CYP19A1: variants seen among roughly 807,000 people sequenced by gnomAD.
The protein encoded by CYP19A1 is cytochrome P450 family 19 subfamily A member 1, also known as aromatase.
CYP19A1 carries 32 observed loss-of-function variants against 44.4 expected under a neutral mutation model. The observed-to-expected ratio is 0.72, with a 90% CI of 0.54 to 0.97. The LOEUF is 0.97. CYP19A1 is among the 50% of genes least tolerant of loss of function. CYP19A1 has a pLI of 0.00. For missense variants in CYP19A1, 598 were observed against 637.8 expected, an observed-to-expected ratio of 0.94 and a Z score of 0.67; for synonymous variants, 212 against 215.6, an observed-to-expected ratio of 0.98 and a Z score of 0.14.
At chr15:51,274,938 C>A (rs189542081) in intron 1 of CYP19A1, among the ~76,000 whole-genome samples, 74 of 152,294 alleles carry the variant, frequency 4.9e-4, no homozygotes, top group Admixed American at 4.3e-3. Context: ...TCTCTATTGT[C>A]ATCTCACCCC....
chr15:51,273,385 A>G (rs2035198074), intron 1 of CYP19A1, among the ~76,000 whole-genome samples: 1 of 152,234 alleles, frequency 6.6e-6, no homozygotes, highest in Admixed American at 6.5e-5. Context: ...TTTTTAATCC[A>G]GGGAAGCAGT....
At chr15:51,327,402 A>G (rs1198977484) in intron 1 of CYP19A1, among the ~76,000 whole-genome samples, 1 of 152,158 alleles carries the variant, frequency 6.6e-6, no homozygotes, top group Non-Finnish European at 1.5e-5. Flanking sequence ...CTGGGATTAA[A>G]TGAGTAGAGC....
chr15:51,226,110 A>T (rs2032551468), intron 4 of CYP19A1, among the ~76,000 whole-genome samples: 2 of 151,016 alleles, frequency 1.3e-5, no homozygotes, highest in Admixed American at 6.6e-5. Context: ...AAAAAAAAAA[A>T]AAAAAAGCAA....
chr15:51,265,245 C>A (rs1007152216), intron 1 of CYP19A1, among the ~76,000 whole-genome samples: 1 of 152,208 alleles, frequency 6.6e-6, no homozygotes, highest in Non-Finnish European at 1.5e-5. Flanking sequence ...GGTCAGACAG[C>A]GTTCCATGTC....
chr15:51,268,281 C>T (rs1485226105), intron 1 of CYP19A1, among the ~76,000 whole-genome samples: 1 of 152,192 alleles, frequency 6.6e-6, no homozygotes, highest in East Asian at 1.9e-4. Context: ...CCCTGATAAC[C>T]ACTGATTTGC....
At chr15:51,282,889 T>A (rs1178180666) in intron 1 of CYP19A1, among the ~76,000 whole-genome samples, 5 of 151,934 alleles carry the variant, frequency 3.3e-5, no homozygotes, top group African/African-American at 1.2e-4. Context: ...CTTAAGGCAT[T>A]TATTATGAAG....
At chr15:51,266,453 T>C (rs1230605825) in intron 1 of CYP19A1, among the ~76,000 whole-genome samples, 1 of 152,190 alleles carries the variant, frequency 6.6e-6, no homozygotes, top group East Asian at 1.9e-4. Flanking sequence ...GCCTCCCCTG[T>C]GGCAGGAAGA....
intron 5 of CYP19A1, among the ~76,000 whole-genome samples, chr15:51,220,971 AC>A (rs1376196052): frequency 7.0e-6 from 1 of 143,378 alleles, no homozygotes; most frequent in Non-Finnish European, 1.5e-5. Flanking sequence ...AGTTGCATGC[AC>A]ATGTTTTTTT....
intron 2 of CYP19A1, among the ~76,000 whole-genome samples, chr15:51,240,367 A>T (rs563202304): frequency 6.6e-6 from 1 of 152,326 alleles, no homozygotes; most frequent in East Asian, 1.9e-4. Context: ...ACTACAAAAC[A>T]GACACAAACA....
intron 1 of CYP19A1, among the ~76,000 whole-genome samples, chr15:51,316,571 A>C (rs2036429901): frequency 6.6e-6 from 1 of 151,964 alleles, no homozygotes; most frequent in Non-Finnish European, 1.5e-5. Context: ...AGTCTCCCCT[A>C]TCAATTTTAT....
intron 1 of CYP19A1, among the ~76,000 whole-genome samples, chr15:51,332,790 T>A (rs2036721667): frequency 6.6e-6 from 1 of 152,222 alleles, no homozygotes; most frequent in African/African-American, 2.4e-5. Flanking sequence ...TTGGCCTCAA[T>A]CATCCCTACT....
At chr15:51,327,076 T>C (rs1399897964) in intron 1 of CYP19A1, among the ~76,000 whole-genome samples, 1 of 152,210 alleles carries the variant, frequency 6.6e-6, no homozygotes, top group African/African-American at 2.4e-5. Flanking sequence ...AAGCAGCTCG[T>C]ATTTTTGGTT....
At chr15:51,220,654 A>G (rs1487424057) in intron 5 of CYP19A1, among the ~76,000 whole-genome samples, 1 of 152,236 alleles carries the variant, frequency 6.6e-6, no homozygotes, top group Non-Finnish European at 1.5e-5. Flanking sequence ...ATATTTTGAT[A>G]AATTTGTATA....
At chr15:51,247,294 G>T (rs1287758449) in intron 1 of CYP19A1, among the ~76,000 whole-genome samples, 2 of 151,926 alleles carry the variant, frequency 1.3e-5, no homozygotes, top group South Asian at 4.2e-4. Context: ...TTCTGTGAAG[G>T]CACCTCCCCC....
chr15:51,290,415 T>C (rs2035815589), intron 1 of CYP19A1, among the ~76,000 whole-genome samples: 2 of 152,202 alleles, frequency 1.3e-5, no homozygotes, highest in South Asian at 4.1e-4. Flanking sequence ...AGAGCCCTTT[T>C]TTATTCCTAA....
intron 3 of CYP19A1, among the ~76,000 whole-genome samples, chr15:51,235,331 C>A (rs2033321109): frequency 6.6e-6 from 1 of 152,284 alleles, no homozygotes; most frequent in South Asian, 2.1e-4. Flanking sequence ...CGGGTCCTAC[C>A]CCAGACTGTC....
chr15:51,321,193 A>AG (rs2036521842), intron 1 of CYP19A1, among the ~76,000 whole-genome samples: 1 of 152,158 alleles, frequency 6.6e-6, no homozygotes, highest in Non-Finnish European at 1.5e-5. Context: ...AGCCCCACAT[A>AG]GAAGTCATCT....
chr15:51,298,277 T>C (rs2036041171), intron 1 of CYP19A1, among the ~76,000 whole-genome samples: 1 of 152,264 alleles, frequency 6.6e-6, no homozygotes, highest in Non-Finnish European at 1.5e-5. Context: ...TTTAGCACCC[T>C]GATGTCATTT....
At chr15:51,243,022 G>A in intron 1 of CYP19A1, 72 bp from the exon 2 acceptor site, 1 of 806,376 alleles carries the variant, frequency 1.2e-6, no homozygotes, top group Admixed American at 1.7e-5. Flanking sequence ...TGTTGCTTCA[G>A]AGGGTGCTGT....
Sources: gnomAD v4.1 joint callset for allele counts (sites outside exome capture counted in the v4.1 genomes callset) on GRCh38, gnomAD v4.1.1 for gene constraint, MANE v1.5 for transcripts, NCBI Gene and HGNC (gene_info 2026-07-23, HGNC 2026-07-21) for gene names.